Variants in ARMC10 observed in about 807,000 individuals in gnomAD.
ARMC10 encodes the protein armadillo repeat containing 10.
ARMC10 carries 23 observed loss-of-function variants against 30.2 expected under a neutral mutation model. That is an observed-to-expected ratio of 0.76 (90% CI 0.55 to 1.08). The LOEUF (loss-of-function observed/expected upper bound fraction) is 1.08, where lower values mean the gene tolerates loss of function less well. Ranked by LOEUF, ARMC10 falls within the 50% of genes least tolerant of loss-of-function variation. ARMC10 has a pLI of 0.00. For missense variants in ARMC10, 303 were observed against 413.7 expected (o/e 0.73, Z 2.32); for synonymous variants, 111 against 164.4 (o/e 0.68, Z 2.48).
At chr7:103,084,717 A>G (rs1478486488) in intron 3 of ARMC10, among the ~76,000 whole-genome samples, 2 of 152,168 alleles carry the variant, frequency 1.3e-5, no homozygotes, top group African/African-American at 2.4e-5. Flanking sequence ...TGGCCGCTCA[A>G]TTTTATGTAT....
At chr7:103,088,232 T>A (rs1801022280) in intron 4 of ARMC10, among the ~76,000 whole-genome samples, 1 of 152,144 alleles carries the variant, frequency 6.6e-6, no homozygotes, top group Admixed American at 6.6e-5. Context: ...AATAGGGGTC[T>A]TTTTTTAGTC....
chr7:103,079,834 T>A (rs534570213), intron 2 of ARMC10, among the ~76,000 whole-genome samples: 27 of 152,350 alleles, frequency 1.8e-4, no homozygotes, highest in Admixed American at 8.5e-4. Flanking sequence ...CTTTAAAAAT[T>A]AGGAATTCAC....
At chr7:103,086,522 C>T (rs1311339636) in intron 3 of ARMC10, 108 bp from the exon 4 acceptor site, 78 of 1,244,606 alleles carry the variant, frequency 6.3e-5, no homozygotes, top group Non-Finnish European at 8.2e-5. Context: ...AAAGAGATTT[C>T]CAAAAAGCCG....
chr7:103,098,570 A>G lies in ARMC10; in HGVS notation c.*17A>G, dbSNP rs1365121852. On this transcript the variant is annotated 3_prime_UTR_variant, in exon 7 of 7. Transcript: ENST00000323716. ...AAAATCTGATTGGTCATATTTTTCCAAAGAGTAATGCAGTCTGGATATAAA... is the reference window on the plus strand; with the variant it reads ...AAAATCTGATTGGTCATATTTTTCCGAAGAGTAATGCAGTCTGGATATAAA... 2.6e-6 allele frequency: 4 copies of G among 1,538,854 alleles called. No homozygotes were observed. The highest frequency in any genetic ancestry group is 2.1e-5 in the Admixed American group (1 of 48,324).
intron 4 of ARMC10, among the ~76,000 whole-genome samples, chr7:103,090,362 C>T (rs1042126683): frequency 6.6e-6 from 1 of 152,212 alleles, no homozygotes; most frequent in Non-Finnish European, 1.5e-5. Context: ...AACCAGTTGA[C>T]TTTCAAATGT....
chr7:103,079,553 T>G (rs952904958), intron 2 of ARMC10, among the ~76,000 whole-genome samples: 1 of 152,204 alleles, frequency 6.6e-6, no homozygotes, highest in Non-Finnish European at 1.5e-5. Flanking sequence ...TCTGGAGTCA[T>G]AGCTTGATAA....
chr7:103,075,628 G>C (rs573243101), intron 1 of ARMC10, 149 bp from the exon 2 acceptor site: 3 of 847,432 alleles, frequency 3.5e-6, no homozygotes, highest in Non-Finnish European at 5.2e-6. Flanking sequence ...TGAGCTCCGC[G>C]TCACAGCGGA....
chr7:103,083,638 G>T (rs772579262), intron 2 of ARMC10, 44 bp from the exon 3 acceptor site: 4 of 1,550,110 alleles, frequency 2.6e-6, no homozygotes, highest in Admixed American at 1.8e-5. Flanking sequence ...AAATAACCTC[G>T]TATTGATTTT....
At chr7:103,094,716 A>G (rs1801624725) in intron 5 of ARMC10, among the ~76,000 whole-genome samples, 1 of 152,186 alleles carries the variant, frequency 6.6e-6, no homozygotes, top group East Asian at 1.9e-4. Flanking sequence ...ATGAGATCTG[A>G]TAGTGACCTC....
At position 103,083,701 on chromosome 7, in the gene ARMC10, A is replaced by G; in HGVS notation, c.264A>G (p.Ser88=). ...TSQPEDLTDG[S]YDDVLNAEQL... is the part of the protein sequence containing the mutation. ...ATGCAGAAGACTTAACTGATGGTTC[A>G]TATGATGATGTTCTAAATGCTGAAC... The change falls in exon 3 of 7, where the codon TCA becomes TCG. Residue 88 remains serine (S), a synonymous_variant. Coordinates refer to ENST00000323716, the MANE Select transcript of ARMC10 (RefSeq NM_031905.5). 1.2e-6 allele frequency: 2 copies of G among 1,612,932 alleles called. No individual in the cohort carries two copies. The highest frequency in any genetic ancestry group is 8.5e-7 in the Non-Finnish European group (1 of 1,179,160).
intron 2 of ARMC10, among the ~76,000 whole-genome samples, chr7:103,078,065 A>G (rs568862513): frequency 1.3e-5 from 2 of 151,728 alleles, no homozygotes; most frequent in Non-Finnish European, 2.9e-5. Flanking sequence ...GCATGATCTC[A>G]GCTCACTGCA....
At chr7:103,095,461 G>A (rs940898338) in intron 5 of ARMC10, among the ~76,000 whole-genome samples, 7 of 152,140 alleles carry the variant, frequency 4.6e-5, no homozygotes, top group African/African-American at 1.7e-4. Context: ...CTTTTTCTTT[G>A]TGGTTTTCTA....
chr7:103,083,966 A>G (rs933623165), intron 3 of ARMC10, 136 bp downstream of exon 3: 3 of 1,468,562 alleles, frequency 2.0e-6, no homozygotes, highest in East Asian at 4.8e-5. Context: ...TACTTAAAAC[A>G]TAATGTTTGT....
chr7:103,078,366 T>A (rs1800082191), intron 2 of ARMC10, among the ~76,000 whole-genome samples: 1 of 152,178 alleles, frequency 6.6e-6, no homozygotes, highest in Non-Finnish European at 1.5e-5. Flanking sequence ...TCCCCTCCCC[T>A]CCATGCTCTT....
chr7:103,092,461 C>T lies in ARMC10; in HGVS notation c.529-16C>T, dbSNP rs1221381673. The T allele has an allele frequency of 1.3e-6, 2 of 1,528,818 alleles. No homozygotes were observed. 94.7% of individuals were successfully genotyped at this position (1,528,818 alleles called of 1,614,324 possible). A position where few individuals can be genotyped will look rare whatever the true frequency, so the allele number is the denominator to read the frequency against. On this transcript the variant is annotated splice_polypyrimidine_tract_variant and intron_variant, in intron 4 of 6. Transcript: ENST00000323716. Reference sequence around the variant, plus strand: ...TTGGAGATTCTAAGATGCTCATTTTCCTCCCCTGCCTTCAGATATACATCA... The same window carrying T: ...TTGGAGATTCTAAGATGCTCATTTTTCTCCCCTGCCTTCAGATATACATCA...
At chr7:103,086,997 A>G in intron 4 of ARMC10, 1 of 1,178,328 alleles carries the variant, frequency 8.5e-7, no homozygotes, top group South Asian at 1.4e-5. Flanking sequence ...GTTATCCTCT[A>G]CATCAGGGAC....
Position 103,092,423 on chromosome 7 carries a change from C to G in ARMC10, c.529-54C>G, listed in dbSNP as rs187191368. The G allele has an allele frequency of 6.8e-5, 95 of 1,401,996 alleles. No individual in the cohort carries two copies. The East Asian group carries it at 1.7e-3, about 25-fold the overall frequency. The allele number at this position is 1,401,996 out of a possible 1,614,324, so 86.8% of individuals were successfully genotyped here. ...TCCACTGTGCAGAAAAGTGGCTGTT[C>G]AGTAGAAAAATTTTGGAGATTCTAA... On this transcript the variant is annotated intron_variant, in intron 4 of 6. Coordinates refer to ENST00000323716, the MANE Select transcript of ARMC10 (RefSeq NM_031905.5).
intron 4 of ARMC10, among the ~76,000 whole-genome samples, chr7:103,091,499 T>TC (rs1563327747): frequency 6.8e-6 from 1 of 148,106 alleles, no homozygotes; most frequent in Non-Finnish European, 1.5e-5. Context: ...TATATATATA[T>TC]ATATATATAT....
intron 4 of ARMC10, chr7:103,086,975 T>C (rs1800920467): frequency 7.5e-7 from 1 of 1,341,154 alleles, no homozygotes; most frequent in African/African-American, 1.5e-5. Context: ...ATAATGCTTG[T>C]TTATTCTACA....
Sources: gnomAD v4.1 joint callset for allele counts (sites outside exome capture counted in the v4.1 genomes callset) on GRCh38, gnomAD v4.1.1 for gene constraint, MANE v1.5 for transcripts, NCBI Gene and HGNC (gene_info 2026-07-23, HGNC 2026-07-21) for gene names.